TOPAZ1: variants seen among roughly 807,000 people sequenced by gnomAD.
TOPAZ1 encodes the protein testis and ovary specific TOPAZ 1, also known as protein TOPAZ1.
Under a neutral mutation model 172.2 loss-of-function variants are expected in TOPAZ1, and 66 were observed. The ratio of observed to expected loss-of-function variants is 0.38; its 90% CI spans 0.31 to 0.47. The LOEUF is 0.47. Among genes scored for constraint, TOPAZ1 ranks in the 20% least tolerant of loss-of-function variants. TOPAZ1 has a pLI of 0.99. For synonymous variants in TOPAZ1, 681 were observed against 683.9 expected (o/e 1.00, Z 0.07); for missense variants, 1,822 against 1,972.4 (o/e 0.92, Z 1.44).
chr3:44,302,810 T>G (rs1356912076), intron 12 of TOPAZ1, among the ~76,000 whole-genome samples: 2 of 149,060 alleles, frequency 1.3e-5, no homozygotes, highest in Non-Finnish European at 2.9e-5. Context: ...TATTATGTGG[T>G]TTTTTTGTAT....
At position 44,290,903 on chromosome 3, in the gene TOPAZ1, T is replaced by C; in HGVS notation, c.3797+17T>C. 1 of 1,485,440 alleles carries C rather than the reference T, an allele frequency of 6.7e-7. No individual in the cohort carries two copies. Among genetic ancestry groups the C allele is most frequent in the Non-Finnish European group, 9.1e-7 (1 of 1,094,046 alleles). 92.0% of individuals were successfully genotyped at this position (1,485,440 alleles called of 1,614,324 possible). A position where few individuals can be genotyped will look rare whatever the true frequency, so the allele number is the denominator to read the frequency against. ...GAAATCGAGGTGAGAAAAATCATTATTATTTAAGCCAAAATATATGTGTCT... is the reference window on the plus strand; with the variant it reads ...GAAATCGAGGTGAGAAAAATCATTACTATTTAAGCCAAAATATATGTGTCT... On this transcript the variant is annotated intron_variant, in intron 12 of 19. Transcript: ENST00000309765.
At chr3:44,262,966 T>C (rs1699791303) in intron 5 of TOPAZ1, among the ~76,000 whole-genome samples, 1 of 152,254 alleles carries the variant, frequency 6.6e-6, no homozygotes. Flanking sequence ...CCAGGACAGG[T>C]GATGGATGCA....
At chr3:44,279,544 T>C (rs879834180) in intron 8 of TOPAZ1, among the ~76,000 whole-genome samples, 14 of 152,218 alleles carry the variant, frequency 9.2e-5, no homozygotes, top group Non-Finnish European at 1.6e-4. Context: ...TGTTGCTGAA[T>C]TGATCCATTT....
chr3:44,314,253 T>C (rs965361649), intron 16 of TOPAZ1, among the ~76,000 whole-genome samples: 4 of 152,102 alleles, frequency 2.6e-5, no homozygotes, highest in African/African-American at 9.7e-5. Context: ...ATTAAAGAAA[T>C]TTTTTCCCCA....
At chr3:44,315,937 A>G (rs1372118948) in intron 16 of TOPAZ1, among the ~76,000 whole-genome samples, 1 of 152,286 alleles carries the variant, frequency 6.6e-6, no homozygotes, top group East Asian at 1.9e-4. Flanking sequence ...TTTATATTTT[A>G]AAAATAAACA....
chr3:44,310,130 T>A (rs559827132), intron 16 of TOPAZ1, 140 bp downstream of exon 16: 1 of 705,046 alleles, frequency 1.4e-6, no homozygotes, highest in East Asian at 2.9e-5. Context: ...TAGGAAAGGT[T>A]GTCATGTAAA....
In TOPAZ1 at chr3:44,244,895, G is replaced by A. The variant is rs1354237207; in HGVS notation, c.2389G>A (p.Glu797Lys). 5 of 1,551,594 alleles carry A rather than the reference G, an allele frequency of 3.2e-6. No homozygotes were observed. Among genetic ancestry groups the A allele is most frequent in the Non-Finnish European group, 4.4e-6 (5 of 1,146,998 alleles). The change falls in exon 2 of 20, where the codon GAA (glutamate) becomes AAA (lysine). Residue 797 changes from glutamate to lysine, a missense_variant. By Grantham distance (56) the Glu-to-Lys change is moderately conservative. This residue lies in a region of TOPAZ1 where 1,489 missense variants were observed against 1,490.8 expected (regional missense o/e 1.00). Coordinates refer to ENST00000309765, the MANE Select transcript of TOPAZ1 (RefSeq NM_001145030.2). ...SEPGNIVSNK[E>K]VASLTVENNA... is the part of the protein sequence containing the mutation. ...ACCAGGCAATATTGTTTCTAATAAAGAAGTTGCTTCTCTCACAGTTGAAAA... is the reference window on the plus strand; with the variant it reads ...ACCAGGCAATATTGTTTCTAATAAAAAAGTTGCTTCTCTCACAGTTGAAAA...
intron 18 of TOPAZ1, among the ~76,000 whole-genome samples, chr3:44,326,405 T>A (rs1700600606): frequency 6.6e-6 from 1 of 152,242 alleles, no homozygotes; most frequent in South Asian, 2.1e-4. Context: ...TAATAACTAA[T>A]GATGTTGAGG....
intron 19 of TOPAZ1, among the ~76,000 whole-genome samples, chr3:44,331,397 C>G (rs1453079108): frequency 6.6e-6 from 1 of 152,074 alleles, no homozygotes; most frequent in Non-Finnish European, 1.5e-5. Context: ...GCAATCATAG[C>G]TCACTGCAGC....
intron 8 of TOPAZ1, among the ~76,000 whole-genome samples, chr3:44,278,426 T>C (rs918435477): frequency 2.0e-5 from 3 of 152,186 alleles, no homozygotes; most frequent in African/African-American, 7.2e-5. Flanking sequence ...TCTTCCATTT[T>C]TTGGAATAGT....
intron 11 of TOPAZ1, among the ~76,000 whole-genome samples, chr3:44,290,406 C>G (rs1490860281): frequency 1.3e-5 from 2 of 152,050 alleles, no homozygotes; most frequent in African/African-American, 4.8e-5. Context: ...TCTTCTCTGG[C>G]CATGGCCCTA....
intron 19 of TOPAZ1, 80 bp downstream of exon 19, chr3:44,328,513 GTGTTTT>G: frequency 1.3e-6 from 1 of 745,864 alleles, no homozygotes; most frequent in Non-Finnish European, 2.1e-6. Flanking sequence ...AATGTTTTAT[GTGTTTT>G]TATACATACA....
At chr3:44,274,765 G>T (rs192093545) in intron 8 of TOPAZ1, among the ~76,000 whole-genome samples, 1 of 151,886 alleles carries the variant, frequency 6.6e-6, no homozygotes, top group Non-Finnish European at 1.5e-5. Flanking sequence ...TGTTGGTCAG[G>T]CTGGTCTTGA....
At chr3:44,249,357 A>C (rs184390741) in intron 2 of TOPAZ1, among the ~76,000 whole-genome samples, 10 of 152,286 alleles carry the variant, frequency 6.6e-5, no homozygotes, top group Non-Finnish European at 1.0e-4. Flanking sequence ...AAAAGCAAAA[A>C]TTTGTATTGA....
chr3:44,321,392 G>C (rs1700505093), intron 17 of TOPAZ1, among the ~76,000 whole-genome samples: 1 of 152,050 alleles, frequency 6.6e-6, no homozygotes, highest in Non-Finnish European at 1.5e-5. Flanking sequence ...GCTTATCTTT[G>C]GGTTGTTTGT....
At chr3:44,310,658 T>C (rs973986512) in intron 16 of TOPAZ1, among the ~76,000 whole-genome samples, 4 of 152,220 alleles carry the variant, frequency 2.6e-5, no homozygotes, top group Non-Finnish European at 5.9e-5. Flanking sequence ...TTAACCAACT[T>C]GCCCAAAATG....
intron 12 of TOPAZ1, among the ~76,000 whole-genome samples, chr3:44,300,406 C>T (rs1005119181): frequency 6.7e-6 from 1 of 148,760 alleles, no homozygotes; most frequent in Admixed American, 6.8e-5. Flanking sequence ...CCAGCTTGGG[C>T]GACAGAGTGA....
rs557499652 is a variant in TOPAZ1, at chr3:44,308,873, C to G, written c.4141-952C>G. Among the ~76,000 whole-genome samples, 27 of 152,210 alleles carry G rather than the reference C, an allele frequency of 1.8e-4. 2 individuals are homozygous for G. In the South Asian group the frequency reaches 5.6e-3, roughly 32 times the overall value. On this transcript the variant is annotated intron_variant, in intron 15 of 19. Transcript: ENST00000309765. ...CCCTTTAAAAATGCACTCTTTTATA[C>G]AGTCATCTTGAAGGTAGCTTGACAT... is the stretch of plus-strand genomic sequence containing the variant.
rs144334708 is a variant in TOPAZ1, at chr3:44,243,808, G to A, written c.1302G>A (p.Pro434=). ...AAGAAACAGAGAATGCTTCAGAGCC[G>A]TTAGGTTATGAAAGCATGGCATCGA... ...LKEETENASE[P]LGYESMASKE... The change falls in exon 2 of 20, where the codon CCG becomes CCA. Residue 434 remains proline, a synonymous_variant. Transcript: ENST00000309765. 7.4e-4 allele frequency: 1,154 copies of A among 1,551,730 alleles called. 5 individuals are homozygous for A. The East Asian group carries it at 9.8e-3, about 13-fold the overall frequency.
Sources: gnomAD v4.1 joint callset for allele counts (sites outside exome capture counted in the v4.1 genomes callset) on GRCh38, gnomAD v4.1.1 for gene constraint, gnomAD v4.1.1 regional missense constraint, MANE v1.5 for transcripts, NCBI Gene and HGNC (gene_info 2026-07-23, HGNC 2026-07-21) for gene names.